The following OOSP4B variants were observed in gnomAD, a reference collection of about 807,000 sequenced individuals.
OOSP4B encodes the protein oocyte-secreted protein 4B.
At chr11:60,024,043 T>C (rs548596050) in exon 2 of OOSP4B, 4 of 398,570 alleles carry the variant, frequency 1.0e-5, no homozygotes, top group Non-Finnish European at 1.8e-5. Flanking sequence ...CTGTCACTTC[T>C]TGTGGGATCA....
intron 1 of OOSP4B, 143 bp downstream of exon 1, chr11:60,017,556 T>A (rs1854640130): frequency 2.5e-6 from 1 of 396,746 alleles, no homozygotes; most frequent in South Asian, 1.4e-4. Context: ...TGAGATTTTT[T>A]TTTTTCCCCC....
intron 1 of OOSP4B, 47 bp from the exon 2 acceptor site, chr11:60,023,833 G>A (rs935203803): frequency 5.0e-6 from 2 of 398,318 alleles, no homozygotes; most frequent in Non-Finnish European, 8.9e-6. Flanking sequence ...TAATGTCTTG[G>A]GAGGAAGTAT....
chr11:60,025,512 T>C (rs1854739358), intron 3 of OOSP4B, among the ~76,000 whole-genome samples: 1 of 152,208 alleles, frequency 6.6e-6, no homozygotes. Context: ...TCTATAACTT[T>C]GTAGAAATAG....
chr11:60,020,733 A>G (rs1406944856), intron 1 of OOSP4B, among the ~76,000 whole-genome samples: 2 of 152,246 alleles, frequency 1.3e-5, no homozygotes, highest in Non-Finnish European at 2.9e-5. Context: ...GGAGGCGTGG[A>G]GAGCGAGCGA....
chr11:60,021,540 A>T (rs1247769694), intron 1 of OOSP4B: 2 of 152,246 alleles, frequency 1.3e-5, no homozygotes. Context: ...GATGGCCTAG[A>T]TCACTGTCTG....
At chr11:60,017,841 C>CCTAT (rs1424693451) in intron 1 of OOSP4B, among the ~76,000 whole-genome samples, 2 of 152,040 alleles carry the variant, frequency 1.3e-5, no homozygotes, top group African/African-American at 4.8e-5. Flanking sequence ...GCTCTCTTGG[C>CCTAT]CTATCCATGG....
intron 3 of OOSP4B, among the ~76,000 whole-genome samples, chr11:60,028,795 A>C (rs528596300): frequency 6.6e-6 from 1 of 152,212 alleles, no homozygotes; most frequent in African/African-American, 2.4e-5. Context: ...TCTTTTGGCC[A>C]ACACTGAGCA....
chr11:60,026,695 T>C, intron 3 of OOSP4B, among the ~76,000 whole-genome samples: 1 of 152,242 alleles, frequency 6.6e-6, no homozygotes, highest in East Asian at 1.9e-4. Flanking sequence ...CAGTCATCTC[T>C]AAACCTTTGC....
At chr11:60,028,189 G>A (rs1045981211) in intron 3 of OOSP4B, among the ~76,000 whole-genome samples, 26 of 149,654 alleles carry the variant, frequency 1.7e-4, no homozygotes, top group Admixed American at 2.7e-4. Flanking sequence ...TTTTTGAGAC[G>A]GCGTCTCACT....
chr11:60,031,071 A>G (rs796422087), exon 5 of OOSP4B: 10 of 362,666 alleles, frequency 2.8e-5, no homozygotes, highest in African/African-American at 2.1e-4. Flanking sequence ...TCAAGCTCAT[A>G]CATAATAAAG....
Position 60,023,235 on chromosome 11 carries a change from C to T in OOSP4B, c.23-645C>T, listed in dbSNP as rs529115451. 3.9e-4 allele frequency among the ~76,000 whole-genome samples: 59 copies of T among 152,240 alleles called. No individual in the cohort carries two copies. The South Asian group carries it at 0.011, about 29-fold the overall frequency. On this transcript the variant is annotated intron_variant, in intron 1 of 4. Coordinates refer to ENST00000642343, the Ensembl canonical transcript of OOSP4B. ...AAGTACAGAGTAGCACAGCAGCCAC[C>T]GCCCTCAAGGGGCTTTTGAGCACAT...
chr11:60,024,973 C>G (rs1854732655), exon 3 of OOSP4B: 2 of 398,172 alleles, frequency 5.0e-6, no homozygotes, highest in South Asian at 2.5e-4. Flanking sequence ...TGCATACTAC[C>G]TATGAATTTC....
At chr11:60,028,913 T>G (rs1854774710) in intron 3 of OOSP4B, among the ~76,000 whole-genome samples, 1 of 152,182 alleles carries the variant, frequency 6.6e-6, no homozygotes, top group Non-Finnish European at 1.5e-5. Context: ...TCTCACTTGG[T>G]GCTGGCCGTC....
At chr11:60,019,294 G>C (rs1439361706) in intron 1 of OOSP4B, among the ~76,000 whole-genome samples, 1 of 152,128 alleles carries the variant, frequency 6.6e-6, no homozygotes, top group Non-Finnish European at 1.5e-5. Context: ...CAAGAAGATC[G>C]CTTGAGCTCA....
rs187590737 is a variant in OOSP4B, at chr11:60,022,467, T to A, written c.23-1413T>A. ...GAAAATGGTTTCTCAAAATTCTAAA[T>A]GCTGAGTTCCATGTTGTACTTGCGT... On this transcript the variant is annotated intron_variant, in intron 1 of 4. Transcript: ENST00000642343. 6.1e-3 allele frequency among the ~76,000 whole-genome samples: 920 copies of A among 152,038 alleles called. 4 individuals are homozygous for A. Among genetic ancestry groups the A allele is most frequent in the Middle Eastern group, 0.031 (9 of 294 alleles).
chr11:60,024,414 C>A (rs1214083556), intron 2 of OOSP4B, among the ~76,000 whole-genome samples: 1 of 152,128 alleles, frequency 6.6e-6, no homozygotes, highest in Non-Finnish European at 1.5e-5. Context: ...GTGGTGGGTA[C>A]CTGTAATCCC....
At chr11:60,017,453 CT>C in intron 1 of OOSP4B, 40 bp downstream of exon 1, 2 of 398,506 alleles carry the variant, frequency 5.0e-6, no homozygotes. Context: ...TGGAATTCTT[CT>C]GGATTCAACC....
rs192874894 is a variant in OOSP4B at position 60,030,973 on chromosome 11, T to C, written c.*139T>C. 1.8e-4 allele frequency: 70 copies of C among 395,370 alleles called. 1 individual carries two copies. The Admixed American group carries it at 2.5e-3, about 14-fold the overall frequency. 24.5% of individuals were successfully genotyped at this position (395,370 alleles called of 1,614,324 possible). A position where few individuals can be genotyped will look rare whatever the true frequency, so the allele number is the denominator to read the frequency against. On this transcript the variant is annotated 3_prime_UTR_variant, in exon 5 of 5. Transcript: ENST00000642343. ...CATCTGTTACCAGTTTCACTACATTTTGGAGTTTTGAATAACATATCTATA... is the reference window on the plus strand; with the variant it reads ...CATCTGTTACCAGTTTCACTACATTCTGGAGTTTTGAATAACATATCTATA...
chr11:60,026,867 T>C (rs1854750653), intron 3 of OOSP4B, among the ~76,000 whole-genome samples: 1 of 152,214 alleles, frequency 6.6e-6, no homozygotes, highest in South Asian at 2.1e-4. Flanking sequence ...TTTTCTGTAA[T>C]AAAGATTTAC....
Sources: allele counts gnomAD v4.1 joint callset (sites outside exome capture counted in the v4.1 genomes callset), GRCh38; gene constraint gnomAD v4.1.1; transcripts MANE v1.5; gene names NCBI Gene and HGNC (gene_info 2026-07-23, HGNC 2026-07-21).